The following UNC5A variants were observed in gnomAD, a reference collection of about 807,000 sequenced individuals.
UNC5A encodes netrin receptor UNC5A.
A neutral mutation model predicts 87.4 loss-of-function variants in UNC5A; 20 were observed. That is an observed-to-expected ratio of 0.23 (90% CI 0.16 to 0.33). The LOEUF is 0.33. Among genes scored for constraint, UNC5A ranks in the 10% least tolerant of loss-of-function variants. UNC5A has a pLI of 1.00. For missense variants in UNC5A, 844 were observed against 1,133.4 expected (o/e 0.74, Z 3.67); for synonymous variants, 438 against 482.3 (o/e 0.91, Z 1.20).
intron 1 of UNC5A, among the ~76,000 whole-genome samples, chr5:176,820,168 C>T (rs1038791919): frequency 3.9e-5 from 6 of 152,068 alleles, no homozygotes; most frequent in African/African-American, 1.4e-4. Flanking sequence ...GAGGCCGAGG[C>T]GGGTGGATCA....
At chr5:176,828,673 G>A (rs756554448) in intron 1 of UNC5A, among the ~76,000 whole-genome samples, 4 of 152,166 alleles carry the variant, frequency 2.6e-5, no homozygotes, top group Non-Finnish European at 5.9e-5. Flanking sequence ...TGACTTTCTT[G>A]ACTTACTTAC....
intron 1 of UNC5A, among the ~76,000 whole-genome samples, chr5:176,857,948 A>G (rs1757706612): frequency 1.3e-5 from 2 of 152,210 alleles, no homozygotes; most frequent in African/African-American, 2.4e-5. Context: ...GGGAAGTGGC[A>G]GGGCCCATGA....
chr5:176,820,225 G>A (rs1386322369), intron 1 of UNC5A, among the ~76,000 whole-genome samples: 6 of 152,248 alleles, frequency 3.9e-5, no homozygotes, highest in East Asian at 3.9e-4. Context: ...GTGAAACCAC[G>A]TCTCTACTAA....
intron 1 of UNC5A, among the ~76,000 whole-genome samples, chr5:176,861,497 C>A (rs989623271): frequency 6.6e-6 from 1 of 152,190 alleles, no homozygotes; most frequent in African/African-American, 2.4e-5. Flanking sequence ...AGGGTCCCTG[C>A]GCAAGCAGGA....
rs968634970 is a variant in UNC5A, at chr5:176,875,557, C to T, written c.1378+991C>T. 1.8e-4 allele frequency among the ~76,000 whole-genome samples: 27 copies of T among 152,132 alleles called. No homozygotes were observed. Among genetic ancestry groups the T allele is most frequent in the South Asian group, 8.3e-4 (4 of 4,826 alleles). Reference sequence around the variant, plus strand: ...TCCTCCCTTGCTGCCTCTCCTGACACGGGCCACCAAACCCCTTACCTGGTT... The same window carrying T: ...TCCTCCCTTGCTGCCTCTCCTGACATGGGCCACCAAACCCCTTACCTGGTT... On this transcript the variant is annotated intron_variant, in intron 8 of 14. Coordinates refer to ENST00000329542, the MANE Select transcript of UNC5A (RefSeq NM_133369.3). The surrounding 1 kb of genome is among the most constrained non-coding windows in gnomAD (Gnocchi z 5.2).
At chr5:176,842,510 T>TATATATATATATATATATA (rs1757301926) in intron 1 of UNC5A, among the ~76,000 whole-genome samples, 9 of 151,004 alleles carry the variant, frequency 6.0e-5, no homozygotes, top group African/African-American at 2.2e-4. Context: ...TATATATATA[T>TATATATATATATATATATA]GATGGAATAC....
At chr5:176,834,913 C>T (rs1757116700) in intron 1 of UNC5A, among the ~76,000 whole-genome samples, 4 of 152,352 alleles carry the variant, frequency 2.6e-5, no homozygotes, top group South Asian at 2.1e-4. Flanking sequence ...TGTGCACTGT[C>T]GGCTCCTGCA....
rs1438290929 is a variant in UNC5A at position 176,844,934 on chromosome 5, G to A, written c.71-17690G>A. On this transcript the variant is annotated intron_variant, in intron 1 of 14. Transcript: ENST00000329542. This position sits in a 1 kb window ranked among gnomAD's most constrained non-coding sequence, Gnocchi z 4.2. ...CTGCAGCAGGGTGGGTTGGTGGCTCGCAGCTTGCCGGAAAAGCCCCACCTT... is the reference window on the plus strand; with the variant it reads ...CTGCAGCAGGGTGGGTTGGTGGCTCACAGCTTGCCGGAAAAGCCCCACCTT... 1.3e-5 allele frequency among the ~76,000 whole-genome samples: 2 copies of A among 152,144 alleles called. No homozygotes were observed. The highest frequency in any genetic ancestry group is 2.4e-5 in the African/African-American group (1 of 41,428).
At chr5:176,835,832 A>G (rs1336137779) in intron 1 of UNC5A, among the ~76,000 whole-genome samples, 2 of 151,972 alleles carry the variant, frequency 1.3e-5, no homozygotes, top group African/African-American at 4.8e-5. Context: ...TAACAGATTC[A>G]TCTGGAATTT....
rs59346514 is a variant in UNC5A at position 176,855,356 on chromosome 5, G to A, written c.71-7268G>A. Among the ~76,000 whole-genome samples the A allele has an allele frequency of 1.3e-3, 200 of 152,354 alleles. 4 individuals carry two copies. The East Asian group carries it at 0.032, about 24-fold the overall frequency. ...TCCCAAAAACCCGACCAAGATGCTG[G>A]AATCCCGTCTATTGGACGGGGCGGC... On this transcript the variant is annotated intron_variant, in intron 1 of 14. Coordinates refer to ENST00000329542, the MANE Select transcript of UNC5A (RefSeq NM_133369.3).
chr5:176,840,610 G>A (rs897398246), intron 1 of UNC5A, among the ~76,000 whole-genome samples: 1 of 152,194 alleles, frequency 6.6e-6, no homozygotes, highest in Admixed American at 6.5e-5. Context: ...CTCATGTGAG[G>A]GCCGGGGACC....
In UNC5A at chr5:176,810,787, G is replaced by A; in HGVS notation, c.37G>A (p.Gly13Ser). Residue 13 changes from glycine to serine, a missense_variant, in exon 1 of 15, where the codon GGC (glycine) becomes AGC (serine). Physicochemically the swap from Gly to Ser is moderately conservative, Grantham distance 56 (BLOSUM62 0). Coordinates refer to ENST00000329542, the MANE Select transcript of UNC5A (RefSeq NM_133369.3). This position sits in a 1 kb window ranked among gnomAD's most constrained non-coding sequence, Gnocchi z 7.3. ...VRPGLWPALL[G>S]IVLAAWLRGS... ...GCCCGGCCTGTGGCCAGCGCTCCTG[G>A]GCATAGTCCTCGCCGCTTGGCTCCG... is the stretch of plus-strand genomic sequence containing the variant. 2 of 1,216,102 alleles carry A rather than the reference G, an allele frequency of 1.6e-6. No homozygotes were observed. Among genetic ancestry groups the A allele is most frequent in the South Asian group, 4.1e-5 (1 of 24,298 alleles). The allele number at this position is 1,216,102 out of a possible 1,614,324, so 75.3% of individuals were successfully genotyped here.
chr5:176,856,284 C>T (rs553276991), intron 1 of UNC5A, among the ~76,000 whole-genome samples: 1 of 152,362 alleles, frequency 6.6e-6, no homozygotes, highest in African/African-American at 2.4e-5. Flanking sequence ...GCTGAGCCTA[C>T]AAGAGCAGCA....
At chr5:176,835,039 A>G (rs1757119726) in intron 1 of UNC5A, among the ~76,000 whole-genome samples, 1 of 152,228 alleles carries the variant, frequency 6.6e-6, no homozygotes, top group South Asian at 2.1e-4. Flanking sequence ...CACAAGCTCC[A>G]TGAAAGCATT....
chr5:176,859,585 T>G (rs1247021559), intron 1 of UNC5A, among the ~76,000 whole-genome samples: 10 of 72,076 alleles, frequency 1.4e-4, no homozygotes, highest in African/African-American at 3.1e-4. Context: ...GCTGCTAGAA[T>G]GTCCTTGCTA....
intron 1 of UNC5A, among the ~76,000 whole-genome samples, chr5:176,842,866 T>A (rs940135892): frequency 1.3e-5 from 2 of 152,178 alleles, no homozygotes; most frequent in African/African-American, 4.8e-5. Flanking sequence ...TTTTTATTTT[T>A]TTTTTACAAA....
chr5:176,879,512 G>A (rs1348449090), intron 14 of UNC5A, 24 bp downstream of exon 14: 1 of 1,584,060 alleles, frequency 6.3e-7, no homozygotes. Flanking sequence ...GGGCAGAGAG[G>A]GCCTGCGCAG....
chr5:176,825,527 G>A (rs7448216), intron 1 of UNC5A, among the ~76,000 whole-genome samples: 130,778 of 152,204 alleles, frequency 0.86, 58,619 homozygotes, highest in East Asian at 1. Context: ...GGAATCTGCA[G>A]AGCATGGAAG....
intron 1 of UNC5A, among the ~76,000 whole-genome samples, chr5:176,833,713 CTT>C (rs1401997142): frequency 9.9e-5 from 14 of 142,028 alleles, no homozygotes; most frequent in Admixed American, 1.4e-4. Flanking sequence ...TTTTTTCTTT[CTT>C]TTTTTTTTTT....
Sources: gnomAD v4.1 joint callset for allele counts (sites outside exome capture counted in the v4.1 genomes callset) on GRCh38, gnomAD v4.1.1 for gene constraint, Gnocchi (gnomAD v3.1) non-coding constraint, MANE v1.5 for transcripts, NCBI Gene and HGNC (gene_info 2026-07-23, HGNC 2026-07-21) for gene names.